ELMO1: variants seen among roughly 807,000 people sequenced by gnomAD.
The protein encoded by ELMO1 is engulfment and cell motility 1, also known as engulfment and cell motility protein 1.
ELMO1 carries 26 observed loss-of-function variants against 98.9 expected under a neutral mutation model. The observed-to-expected ratio is 0.26, with a 90% CI of 0.19 to 0.36. The LOEUF (loss-of-function observed/expected upper bound fraction) is 0.36. Ranked by LOEUF, ELMO1 falls within the 10% of genes least tolerant of loss-of-function variation. The probability of loss-of-function intolerance (pLI) is 1.00; values close to 1 mark genes in which losing one functional copy is unlikely to be tolerated. For missense variants in ELMO1, 627 were observed against 935.2 expected (o/e 0.67, Z 4.30); for synonymous variants, 346 against 346.0 (o/e 1.00, Z 0.00).
At chr7:37,203,880 C>A (rs760883929) in intron 13 of ELMO1, among the ~76,000 whole-genome samples, 3 of 151,602 alleles carry the variant, frequency 2.0e-5, no homozygotes, top group Non-Finnish European at 2.9e-5. Context: ...CGGCTCAGCC[C>A]AGAAGTACAG....
Position 36,855,811 on chromosome 7 carries a change from T to C in ELMO1, c.1984-60A>G. On this transcript the variant is annotated intron_variant, in intron 21 of 21. Coordinates refer to ENST00000310758, the MANE Select transcript of ELMO1 (RefSeq NM_014800.11). The surrounding 1 kb of genome is among the most constrained non-coding windows in gnomAD (Gnocchi z 4.2). ...GTGGCAATTACAGAAGTATTAATAG[T>C]AAAAATAGCTAACAGTGAATACTCA... 6.3e-7 allele frequency: 1 copy of C among 1,584,282 alleles called. No individual in the cohort carries two copies. The highest frequency in any genetic ancestry group is 8.7e-7 in the Non-Finnish European group (1 of 1,154,854).
chr7:37,415,617 C>G (rs1804181490), intron 1 of ELMO1, among the ~76,000 whole-genome samples: 1 of 152,054 alleles, frequency 6.6e-6, no homozygotes, highest in Non-Finnish European at 1.5e-5. Flanking sequence ...CAGTACCTGG[C>G]ACATAATAAA....
intron 14 of ELMO1, among the ~76,000 whole-genome samples, chr7:37,101,053 C>T (rs530151833): frequency 4.6e-5 from 7 of 152,348 alleles, no homozygotes; most frequent in Admixed American, 3.3e-4. Context: ...TTCTGCATGG[C>T]CCATGGCCAA....
At chr7:37,245,268 A>T (rs949000345) in intron 6 of ELMO1, among the ~76,000 whole-genome samples, 2 of 152,190 alleles carry the variant, frequency 1.3e-5, no homozygotes, top group Non-Finnish European at 2.9e-5. Context: ...CACATCAGCT[A>T]TAAGCCTCAG....
At position 36,855,317 on chromosome 7, in the gene ELMO1, G is replaced by C; in HGVS notation, c.*234C>G. On this transcript the variant is annotated 3_prime_UTR_variant, in exon 22 of 22. Coordinates refer to ENST00000310758, the MANE Select transcript of ELMO1 (RefSeq NM_014800.11). This position sits in a 1 kb window ranked among gnomAD's most constrained non-coding sequence, Gnocchi z 4.2. ...TTTGCTCTTGTCCCACCAGTGGACT[G>C]CAGCCATGGGAAGTGACCTGAAGCA... The C allele has an allele frequency of 1.8e-6, 1 of 556,418 alleles. No homozygotes were observed. The highest frequency in any genetic ancestry group is 2.0e-5 in the South Asian group (1 of 49,492). The allele number at this position is 556,418 out of a possible 1,614,324, so 34.5% of individuals were successfully genotyped here.
intron 16 of ELMO1, among the ~76,000 whole-genome samples, chr7:36,957,725 A>T (rs1317750288): frequency 2.0e-5 from 3 of 151,998 alleles, no homozygotes; most frequent in Non-Finnish European, 2.9e-5. Context: ...CATTCTGTGG[A>T]GTCCTGACAA....
At chr7:37,100,622 C>T (rs1784588250) in intron 14 of ELMO1, among the ~76,000 whole-genome samples, 1 of 152,262 alleles carries the variant, frequency 6.6e-6, no homozygotes. Flanking sequence ...TCTGTGCCTC[C>T]TGCAGCCAGC....
At chr7:37,021,853 A>C (rs928058699) in intron 15 of ELMO1, among the ~76,000 whole-genome samples, 2 of 152,158 alleles carry the variant, frequency 1.3e-5, no homozygotes, top group African/African-American at 4.8e-5. Context: ...AATTTGGAAA[A>C]CTTTTGGGAC....
At chr7:37,198,489 A>G (rs1391672770) in intron 13 of ELMO1, among the ~76,000 whole-genome samples, 1 of 152,234 alleles carries the variant, frequency 6.6e-6, no homozygotes, top group African/African-American at 2.4e-5. Context: ...ATACGACTAT[A>G]TCCAACTCAC....
intron 13 of ELMO1, among the ~76,000 whole-genome samples, chr7:37,179,541 T>C (rs1790712972): frequency 6.6e-6 from 1 of 152,090 alleles, no homozygotes. Flanking sequence ...CCTCCCAAAG[T>C]GCTGGGATTA....
At chr7:37,134,766 A>G (rs1212794313) in intron 13 of ELMO1, among the ~76,000 whole-genome samples, 1 of 152,230 alleles carries the variant, frequency 6.6e-6, no homozygotes, top group Non-Finnish European at 1.5e-5. Context: ...TTGTAGCAAC[A>G]TGGATGGAAC....
At chr7:36,995,909 G>C (rs80154596) in intron 16 of ELMO1, among the ~76,000 whole-genome samples, 4,313 of 152,142 alleles carry the variant, frequency 0.028, 180 homozygotes, top group African/African-American at 0.081. Flanking sequence ...TGAGCCAAAG[G>C]AACCTTGTCT....
At chr7:37,071,549 C>A (rs927936012) in intron 15 of ELMO1, among the ~76,000 whole-genome samples, 14 of 152,150 alleles carry the variant, frequency 9.2e-5, no homozygotes, top group Non-Finnish European at 2.1e-4. Flanking sequence ...GAATTCAACT[C>A]CAGAGAGAGC....
At chr7:36,930,081 T>A (rs1252004557) in intron 16 of ELMO1, among the ~76,000 whole-genome samples, 1 of 152,166 alleles carries the variant, frequency 6.6e-6, no homozygotes. Flanking sequence ...GGGAAACACA[T>A]CCAGTCACTG....
chr7:37,157,540 G>A (rs1003540838), intron 13 of ELMO1, among the ~76,000 whole-genome samples: 7 of 152,130 alleles, frequency 4.6e-5, no homozygotes, highest in Non-Finnish European at 8.8e-5. Context: ...GCCAAATCAT[G>A]AGTGAACTCC....
intron 18 of ELMO1, among the ~76,000 whole-genome samples, chr7:36,884,575 T>A (rs1307614264): frequency 2.0e-5 from 3 of 152,160 alleles, no homozygotes; most frequent in African/African-American, 7.2e-5. Flanking sequence ...CAGCTTATTG[T>A]GTCTTTTGAG....
intron 1 of ELMO1, among the ~76,000 whole-genome samples, chr7:37,372,498 C>T (rs772030836): frequency 6.6e-6 from 1 of 152,170 alleles, no homozygotes; most frequent in Admixed American, 6.5e-5. Flanking sequence ...TCTAAGTTCA[C>T]AAAGTCAAGC....
intron 8 of ELMO1, among the ~76,000 whole-genome samples, chr7:37,231,566 T>G (rs1426986186): frequency 6.6e-6 from 1 of 152,100 alleles, no homozygotes; most frequent in African/African-American, 2.4e-5. Context: ...TTATACAAAA[T>G]AACTGACTGT....
At chr7:37,034,973 G>C (rs142814128) in intron 15 of ELMO1, among the ~76,000 whole-genome samples, 147 of 152,200 alleles carry the variant, frequency 9.7e-4, no homozygotes, top group African/African-American at 3.4e-3. Flanking sequence ...ATAGATAAAG[G>C]CAGCCCTGAT....
Sources: gnomAD v4.1 joint callset for allele counts (sites outside exome capture counted in the v4.1 genomes callset) on GRCh38, gnomAD v4.1.1 for gene constraint, Gnocchi (gnomAD v3.1) non-coding constraint, MANE v1.5 for transcripts, NCBI Gene and HGNC (gene_info 2026-07-23, HGNC 2026-07-21) for gene names.